Variants in GRB2 observed in about 807,000 individuals in gnomAD.
GRB2 encodes growth factor receptor-bound protein 2.
Under a neutral mutation model 27.4 loss-of-function variants are expected in GRB2, and 2 were observed. The ratio of observed to expected loss-of-function variants is 0.07; its 90% CI spans 0.03 to 0.23. The LOEUF is 0.23. Ranked by LOEUF, GRB2 falls within the 10% of genes least tolerant of loss-of-function variation. The pLI is 1.00. For synonymous variants in GRB2, 94 were observed against 99.6 expected (o/e 0.94, Z 0.33); for missense variants, 102 against 282.4 (o/e 0.36, Z 4.58).
In GRB2 at chr17:75,374,945, TAGTAC is replaced by T. The variant is rs147068515; in HGVS notation, c.78+18601_78+18605del. ...GGTCTCATTCAGTCGCTCAGGTTTA[TAGTAC>T]AGTAGCGAGATCATGGCTCACTGCA... On this transcript the variant is annotated intron_variant, in intron 2 of 5. Coordinates refer to ENST00000316804, the MANE Select transcript of GRB2 (RefSeq NM_002086.5). 2.6e-3 allele frequency among the ~76,000 whole-genome samples: 396 copies of T among 152,328 alleles called. 1 individual carries two copies. The highest frequency in any genetic ancestry group is 4.1e-3 in the Non-Finnish European group (282 of 68,014).
intron 2 of GRB2, among the ~76,000 whole-genome samples, chr17:75,389,897 T>C (rs1169843712): frequency 6.6e-6 from 1 of 152,168 alleles, no homozygotes; most frequent in African/African-American, 2.4e-5. Flanking sequence ...TTTCCTGTTC[T>C]AAAAAAATTT....
chr17:75,338,056 AGTAGCTGG>A (rs1196239213), intron 2 of GRB2, among the ~76,000 whole-genome samples: 15 of 35,308 alleles, frequency 4.2e-4, no homozygotes, highest in Non-Finnish European at 3.9e-3. Flanking sequence ...CAGCCTCTCG[AGTAGCTGG>A]GATTACAGGC....
chr17:75,340,708 G>C (rs1468895260), intron 2 of GRB2, among the ~76,000 whole-genome samples: 18 of 152,126 alleles, frequency 1.2e-4, no homozygotes. Flanking sequence ...TCAGTTTCAA[G>C]CTATAGTGAT....
intron 2 of GRB2, among the ~76,000 whole-genome samples, chr17:75,351,378 G>A (rs1353804967): frequency 2.0e-5 from 3 of 152,142 alleles, no homozygotes; most frequent in Non-Finnish European, 4.4e-5. Flanking sequence ...GCCAAGTGCT[G>A]GTGGCTGACA....
In GRB2 at chr17:75,320,299, C is replaced by T; in HGVS notation, c.*69G>A. The T allele has an allele frequency of 7.3e-7, 1 of 1,367,508 alleles. No individual in the cohort carries two copies. The highest frequency in any genetic ancestry group is 1.8e-4 in the Middle Eastern group (1 of 5,432). The allele number at this position is 1,367,508 out of a possible 1,614,324, so 84.7% of individuals were successfully genotyped here. ...CCTCACAGGCTGCTGTCAGAGGCAG[C>T]TTGTGGGTTTAATTCTTTTGTATGT... On this transcript the variant is annotated 3_prime_UTR_variant, in exon 6 of 6. Coordinates refer to ENST00000316804, the MANE Select transcript of GRB2 (RefSeq NM_002086.5). This position sits in a 1 kb window ranked among gnomAD's most constrained non-coding sequence, Gnocchi z 4.3.
At chr17:75,325,308 C>T (rs1334197939) in intron 4 of GRB2, among the ~76,000 whole-genome samples, 3 of 152,094 alleles carry the variant, frequency 2.0e-5, no homozygotes, top group African/African-American at 4.8e-5. Flanking sequence ...TTCAAAATCC[C>T]GACTTCACAG....
At chr17:75,393,514 G>A (rs1423618448) in intron 2 of GRB2, 37 bp downstream of exon 2, 1 of 1,529,772 alleles carries the variant, frequency 6.5e-7, no homozygotes, top group Admixed American at 1.7e-5. Context: ...AGCACAGGGA[G>A]AGCGATCTCA....
At chr17:75,332,673 T>A (rs765795250) in intron 3 of GRB2, 27 bp downstream of exon 3, 82 of 1,380,134 alleles carry the variant, frequency 5.9e-5, no homozygotes. Context: ...GGTCCAACCC[T>A]TCCAAGACTA....
intron 2 of GRB2, among the ~76,000 whole-genome samples, chr17:75,337,871 T>C (rs78266021): frequency 0.028 from 3,263 of 117,558 alleles, 151 homozygotes; most frequent in Non-Finnish European, 0.038. Context: ...CGGCCTACTA[T>C]TACTACTACT....
At chr17:75,374,644 G>T (rs116473337) in intron 2 of GRB2, among the ~76,000 whole-genome samples, 1 of 151,642 alleles carries the variant, frequency 6.6e-6, no homozygotes, top group Non-Finnish European at 1.5e-5. Flanking sequence ...CACTCTAGCC[G>T]AGTGTGGTGG....
chr17:75,397,224 A>G (rs2079034296), intron 1 of GRB2, among the ~76,000 whole-genome samples: 1 of 152,222 alleles, frequency 6.6e-6, no homozygotes, highest in South Asian at 2.1e-4. Context: ...AAGGAATTCC[A>G]AAGGGTGTGT....
chr17:75,373,669 C>A (rs1415740293), intron 2 of GRB2: 1 of 152,144 alleles, frequency 6.6e-6, no homozygotes, highest in Non-Finnish European at 1.5e-5. Context: ...TAGCAAAGCT[C>A]TTAAAACAGG....
intron 1 of GRB2, among the ~76,000 whole-genome samples, chr17:75,402,803 C>A (rs1219122742): frequency 6.6e-6 from 1 of 152,038 alleles, no homozygotes; most frequent in African/African-American, 2.4e-5. Context: ...TGGCCGGGCG[C>A]GGTGGCTCAC....
At chr17:75,385,029 CAAAAAAAAAAAAAA>C (rs58860615) in intron 2 of GRB2, among the ~76,000 whole-genome samples, 27 of 55,326 alleles carry the variant, frequency 4.9e-4, no homozygotes, top group African/African-American at 2.2e-3. Flanking sequence ...CTGGCTCTAC[CAAAAAAAAAAAAAA>C]AAAAAAAAAA....
At chr17:75,324,632 C>T (rs1356432794) in intron 4 of GRB2, among the ~76,000 whole-genome samples, 1 of 150,470 alleles carries the variant, frequency 6.6e-6, no homozygotes, top group Non-Finnish European at 1.5e-5. Context: ...ATTCTCTGGC[C>T]TCAGCCTCCC....
At chr17:75,331,792 G>A (rs1441463243) in intron 3 of GRB2, among the ~76,000 whole-genome samples, 1 of 152,140 alleles carries the variant, frequency 6.6e-6, no homozygotes, top group Non-Finnish European at 1.5e-5. Flanking sequence ...AAAAAGTTTA[G>A]CCAACCCTTG....
chr17:75,380,016 T>G (rs1481124168), intron 2 of GRB2, among the ~76,000 whole-genome samples: 1 of 152,222 alleles, frequency 6.6e-6, no homozygotes, highest in African/African-American at 2.4e-5. Flanking sequence ...ACTAGAAATC[T>G]AGATAGCAAG....
intron 2 of GRB2, among the ~76,000 whole-genome samples, chr17:75,379,807 A>C (rs1469987923): frequency 2.0e-5 from 3 of 152,236 alleles, no homozygotes; most frequent in Non-Finnish European, 4.4e-5. Flanking sequence ...ATACATAATA[A>C]ATAGAATTTT....
At chr17:75,371,500 A>G (rs1346887115) in intron 2 of GRB2, 1 of 152,122 alleles carries the variant, frequency 6.6e-6, no homozygotes, top group African/African-American at 2.4e-5. Flanking sequence ...ACATTAAACT[A>G]TGTTGCTAGG....
Sources: allele counts gnomAD v4.1 joint callset (sites outside exome capture counted in the v4.1 genomes callset), GRCh38; gene constraint gnomAD v4.1.1; non-coding constraint Gnocchi (gnomAD v3.1); transcripts MANE v1.5; gene names NCBI Gene and HGNC (gene_info 2026-07-23, HGNC 2026-07-21).